TECTA: variants seen among roughly 807,000 people sequenced by gnomAD.
TECTA encodes the protein tectorin alpha.
TECTA carries 128 observed loss-of-function variants against 216.8 expected under a neutral mutation model. The ratio of observed to expected loss-of-function variants is 0.59; its 90% CI spans 0.51 to 0.68. TECTA has a LOEUF of 0.68. TECTA is among the 30% of genes least tolerant of loss of function. The pLI, the probability that TECTA is intolerant of heterozygous loss-of-function variation, is 0.00. For missense variants in TECTA, 2,551 were observed against 2,786.2 expected (o/e 0.92, Z 1.90); for synonymous variants, 1,089 against 1,117.1 (o/e 0.97, Z 0.50).
chr11:121,175,230 G>A (rs1309513189), intron 20 of TECTA, among the ~76,000 whole-genome samples: 1 of 151,488 alleles, frequency 6.6e-6, no homozygotes, highest in East Asian at 1.9e-4. Context: ...CTTGCCTTCT[G>A]CTAGCTTTTG....
rs368277472 is a variant in TECTA at position 121,165,254 on chromosome 11, T to C, written c.5273-19T>C. 4 of 1,580,800 alleles carry C rather than the reference T, an allele frequency of 2.5e-6. No individual in the cohort carries two copies. Among genetic ancestry groups the C allele is most frequent in the Non-Finnish European group, 3.4e-6 (4 of 1,161,878 alleles). On this transcript the variant is annotated intron_variant, in intron 16 of 23. Transcript: ENST00000392793. ...GTGAAAATGAAGTTGTGCATGTTTC[T>C]GTGTGTTTTTCTTTTTAGCAGGAGT...
At chr11:121,107,457 C>T (rs574526307) in intron 3 of TECTA, among the ~76,000 whole-genome samples, 20 of 152,334 alleles carry the variant, frequency 1.3e-4, no homozygotes, top group Admixed American at 1.0e-3. Flanking sequence ...CTCTTCCAAA[C>T]CCAAAGCCTT....
intron 4 of TECTA, among the ~76,000 whole-genome samples, chr11:121,112,819 A>T (rs993861284): frequency 6.6e-6 from 1 of 152,240 alleles, no homozygotes; most frequent in African/African-American, 2.4e-5. Context: ...AGTCAGAGAT[A>T]TAAGTGGGCG....
intron 4 of TECTA, among the ~76,000 whole-genome samples, chr11:121,112,181 C>A (rs1488921136): frequency 2.6e-5 from 4 of 152,180 alleles, no homozygotes; most frequent in Admixed American, 6.5e-5. Context: ...ATATAAAGGA[C>A]AGGGTTTGCT....
chr11:121,134,325 C>CCACACACACACACACACACACACACACA (rs6144537), intron 10 of TECTA, among the ~76,000 whole-genome samples: 4 of 146,864 alleles, frequency 2.7e-5, no homozygotes, highest in Admixed American at 1.3e-4. Context: ...AAAACCAACA[C>CCACACACACACACACACACACACACACA]CACACACACA....
At chr11:121,118,035 G>A (rs1946517240) in intron 6 of TECTA, among the ~76,000 whole-genome samples, 1 of 152,188 alleles carries the variant, frequency 6.6e-6, no homozygotes, top group Middle Eastern at 3.2e-3. Context: ...CACCAGCCAT[G>A]GAGATAATAA....
chr11:121,177,772 C>T (rs918439374), intron 20 of TECTA, among the ~76,000 whole-genome samples: 1 of 152,210 alleles, frequency 6.6e-6, no homozygotes, highest in Admixed American at 6.5e-5. Context: ...CTGTGCCCTG[C>T]CCCCAGAGGT....
At chr11:121,183,563 T>C (rs969976996) in intron 20 of TECTA, among the ~76,000 whole-genome samples, 1 of 152,126 alleles carries the variant, frequency 6.6e-6, no homozygotes, top group Non-Finnish European at 1.5e-5. Context: ...TTTTCATGCC[T>C]CGGAGATCCT....
Position 121,168,001 on chromosome 11 carries a change from G to A in TECTA, c.5587-53G>A, listed in dbSNP as rs1054504843. The A allele has an allele frequency of 5.6e-6, 9 of 1,605,436 alleles. No homozygotes were observed. In the African/African-American group the frequency reaches 6.7e-5, roughly 12 times the overall value. On this transcript the variant is annotated intron_variant, in intron 18 of 23. Transcript: ENST00000392793. ...TCAGGGATATGGATTTGATATGCAAGCTACATACTCACTCCCAGATGTAAC... is the reference window on the plus strand; with the variant it reads ...TCAGGGATATGGATTTGATATGCAAACTACATACTCACTCCCAGATGTAAC...
At position 121,113,435 on chromosome 11, in the gene TECTA, C is replaced by G. The variant is rs909532300; in HGVS notation, c.625-118C>G. Reference sequence around the variant, plus strand: ...ACCTAGAATGCTGGCCCCAGTGACTCCAGGAAAAGACGGCTCTTGATTTTA... The same window carrying G: ...ACCTAGAATGCTGGCCCCAGTGACTGCAGGAAAAGACGGCTCTTGATTTTA... On this transcript the variant is annotated intron_variant, in intron 5 of 23. Transcript: ENST00000392793. This position sits in a 1 kb window ranked among gnomAD's most constrained non-coding sequence, Gnocchi z 4.2. 6.7e-7 allele frequency: 1 copy of G among 1,499,462 alleles called. No homozygotes were observed. The highest frequency in any genetic ancestry group is 9.3e-7 in the Non-Finnish European group (1 of 1,080,424). 92.9% of individuals were successfully genotyped at this position (1,499,462 alleles called of 1,614,324 possible).
chr11:121,189,425 G>C (rs749156806), intron 22 of TECTA, among the ~76,000 whole-genome samples: 11 of 151,250 alleles, frequency 7.3e-5, no homozygotes, highest in Admixed American at 1.3e-4. Context: ...CCAAGCTGGA[G>C]AGCGGTGGCG....
chr11:121,120,924 C>T (rs933680340), intron 7 of TECTA, among the ~76,000 whole-genome samples: 66 of 152,178 alleles, frequency 4.3e-4, no homozygotes, highest in African/African-American at 1.4e-3. Context: ...AGCTGAGTGG[C>T]CTGTTTGAGC....
chr11:121,146,024 T>C lies in TECTA; in HGVS notation c.4013T>C (p.Val1338Ala). 1 of 1,614,062 alleles carries C rather than the reference T, an allele frequency of 6.2e-7. No homozygotes were observed. Residue 1338 changes from valine to alanine, a missense_variant, in exon 12 of 24, where the codon GTG becomes GCG. Coordinates refer to ENST00000392793, the MANE Select transcript of TECTA (RefSeq NM_005422.4). ...GACTCTTGCATCGATGGGGGCGCGG[T>C]GCAGACCGCCTGCAGCTGGCTGCAG... ...LFDSCIDGGAVQTACSWLQNY... is the reference protein window; with the variant it reads ...LFDSCIDGGAAQTACSWLQNY...
Position 121,129,941 on chromosome 11 carries a change from G to A in TECTA, c.2671G>A (p.Asp891Asn). The A allele has an allele frequency of 6.2e-7, 1 of 1,610,074 alleles. No homozygotes were observed. Among genetic ancestry groups the A allele is most frequent in the Non-Finnish European group, 8.5e-7 (1 of 1,177,196 alleles). ...FEEICNGECGDLLKACNNDSE... is the reference protein window; with the variant it reads ...FEEICNGECGNLLKACNNDSE... ...GGAGATCTGCAATGGAGAGTGTGGG[G>A]ACCTGCTGAAGGCCTGCAACAATGA... The change falls in exon 10 of 24, where the codon GAC becomes AAC. Residue 891 changes from aspartate to asparagine, a missense_variant. Around this residue, in one of 3 missense-constraint regions of TECTA, gnomAD observed 2,375 missense variants for 2,563.9 expected, o/e 0.93. Transcript: ENST00000392793.
chr11:121,164,733 G>A lies in TECTA; in HGVS notation c.5273-540G>A, dbSNP rs573055384. On this transcript the variant is annotated intron_variant, in intron 16 of 23. Coordinates refer to ENST00000392793, the MANE Select transcript of TECTA (RefSeq NM_005422.4). ...CATGGGGGAAAGTGGACCAAGAATC[G>A]GAAAGGACTAAGAAGCCCTGGTGTG... 1.4e-4 allele frequency among the ~76,000 whole-genome samples: 21 copies of A among 152,208 alleles called. No homozygotes were observed. The South Asian group carries it at 2.5e-3, about 18-fold the overall frequency.
chr11:121,167,008 G>T (rs1367508555), intron 18 of TECTA, among the ~76,000 whole-genome samples: 2 of 152,222 alleles, frequency 1.3e-5, no homozygotes, highest in African/African-American at 4.8e-5. Flanking sequence ...GGTTTGGGAT[G>T]CCTACTGTGG....
At chr11:121,150,643 ATTTTT>A (rs202043512) in intron 12 of TECTA, among the ~76,000 whole-genome samples, 14,504 of 127,846 alleles carry the variant, frequency 0.11, 947 homozygotes, top group South Asian at 0.33. Context: ...GCCTATTTTA[ATTTTT>A]TTTTTTTTTT....
chr11:121,158,335 A>C, intron 14 of TECTA, 111 bp downstream of exon 14: 1 of 1,433,704 alleles, frequency 7.0e-7, no homozygotes, highest in Non-Finnish European at 9.7e-7. Context: ...TTGTTGCTTC[A>C]TGGTGTTCCA....
chr11:121,175,470 AG>A (rs1235773505), intron 20 of TECTA, among the ~76,000 whole-genome samples: 1 of 152,172 alleles, frequency 6.6e-6, no homozygotes, highest in Non-Finnish European at 1.5e-5. Flanking sequence ...GTTCAGGAGC[AG>A]GTTGTTCAGT....
Sources: allele counts gnomAD v4.1 joint callset (sites outside exome capture counted in the v4.1 genomes callset), GRCh38; gene constraint gnomAD v4.1.1; regional missense constraint gnomAD v4.1.1; non-coding constraint Gnocchi (gnomAD v3.1); transcripts MANE v1.5; gene names NCBI Gene and HGNC (gene_info 2026-07-23, HGNC 2026-07-21).